Variants in HERPUD2 observed in about 807,000 individuals in gnomAD.
HERPUD2 encodes the protein HERPUD family member 2.
A neutral mutation model predicts 49.9 loss-of-function variants in HERPUD2; 13 were observed. The observed-to-expected ratio is 0.26, with a 90% CI of 0.17 to 0.41. HERPUD2 has a LOEUF of 0.41. HERPUD2 is among the 10% of genes least tolerant of loss of function. The pLI is 1.00. For synonymous variants in HERPUD2, 172 were observed against 171.4 expected, an observed-to-expected ratio of 1.00 and a Z score of -0.03; for missense variants, 449 against 492.2, an observed-to-expected ratio of 0.91 and a Z score of 0.83.
intron 2 of HERPUD2, among the ~76,000 whole-genome samples, chr7:35,691,391 CA>C (rs35835211): frequency 0.39 from 59,920 of 151,902 alleles, 12,243 homozygotes; most frequent in South Asian, 0.56. Flanking sequence ...AGGACAATCT[CA>C]AATTTCCATT....
intron 5 of HERPUD2, among the ~76,000 whole-genome samples, chr7:35,657,092 C>T (rs1271167451): frequency 1.3e-5 from 2 of 151,324 alleles, no homozygotes; most frequent in East Asian, 3.9e-4. Context: ...GGAGAAAATA[C>T]CTGCAAACTA....
At position 35,672,827 on chromosome 7, in the gene HERPUD2, T is replaced by C. The variant is rs1470616045; in HGVS notation, c.225+374A>G. Among the ~76,000 whole-genome samples, 3 of 152,076 alleles carry C rather than the reference T, an allele frequency of 2.0e-5. No individual in the cohort carries two copies. In the East Asian group the frequency reaches 5.8e-4, roughly 29 times the overall value. ...TTAAACTCCCAACTCAAGCAATTTG[T>C]ATAAAAATATCATGCAGCTGGCAAA... is the stretch of plus-strand genomic sequence containing the variant. On this transcript the variant is annotated intron_variant, in intron 3 of 8. Coordinates refer to ENST00000311350, the MANE Select transcript of HERPUD2 (RefSeq NM_022373.5).
intron 2 of HERPUD2, among the ~76,000 whole-genome samples, chr7:35,686,833 G>A (rs1562688747): frequency 1.2e-5 from 1 of 83,750 alleles, no homozygotes; most frequent in Non-Finnish European, 2.4e-5. Context: ...GGGGGGGTGG[G>A]GGGGGGCGCG....
intron 2 of HERPUD2, among the ~76,000 whole-genome samples, chr7:35,677,673 A>C (rs1222797951): frequency 6.6e-6 from 1 of 152,190 alleles, no homozygotes; most frequent in Non-Finnish European, 1.5e-5. Flanking sequence ...GGTTTGTTTT[A>C]TTCTTTTGTG....
chr7:35,671,213 G>C (rs1193132216), intron 3 of HERPUD2, among the ~76,000 whole-genome samples: 1 of 152,102 alleles, frequency 6.6e-6, no homozygotes, highest in Admixed American at 6.6e-5. Context: ...ATCCAAGAAA[G>C]GGTACAACAG....
chr7:35,694,222 G>C lies in HERPUD2; in HGVS notation c.109C>G (p.Leu37Val), dbSNP rs773148835. ...TAAACGTTAGATAGATGCGTTTTTA[G>C]TTTCCCCACGGTCCAGTTCAAGAAG... ...SCFLNWTVGKLKTHLSNVYPS... is the reference protein window; with the variant it reads ...SCFLNWTVGKVKTHLSNVYPS... The change falls in exon 2 of 9, where the codon CTA becomes GTA. Residue 37 changes from leucine (L) to valine (V), a missense_variant. By Grantham distance (32) the Leu-to-Val change is conservative. Transcript: ENST00000311350. 8 of 1,614,118 alleles carry C rather than the reference G, an allele frequency of 5.0e-6. No individual in the cohort carries two copies. The highest frequency in any genetic ancestry group is 5.9e-6 in the Non-Finnish European group (7 of 1,180,024).
intron 5 of HERPUD2, among the ~76,000 whole-genome samples, chr7:35,648,656 T>C (rs796846400): frequency 6.6e-6 from 1 of 152,238 alleles, no homozygotes; most frequent in South Asian, 2.1e-4. Context: ...AGACTTCAAA[T>C]GTGCTCAGTC....
chr7:35,639,541 A>G (rs1472473962), intron 5 of HERPUD2, among the ~76,000 whole-genome samples: 2 of 152,222 alleles, frequency 1.3e-5, no homozygotes, highest in African/African-American at 2.4e-5. Flanking sequence ...AGATTTGTAG[A>G]AAATCACATA....
In HERPUD2 at chr7:35,633,568, G is replaced by GAA; in HGVS notation, c.*120_*121dup. 2 of 681,986 alleles carry GAA rather than the reference G, an allele frequency of 2.9e-6. No individual in the cohort carries two copies. The allele number at this position is 681,986 out of a possible 1,614,324, so 42.2% of individuals were successfully genotyped here. On this transcript the variant is annotated 3_prime_UTR_variant, in exon 9 of 9. Transcript: ENST00000311350. ...TATTCATATGCATGAGAAGCCTAAA[G>GAA]AAAAAAAACACCTCTGTACATGATG...
chr7:35,650,773 T>G (rs1312967987), intron 5 of HERPUD2, among the ~76,000 whole-genome samples: 1 of 152,090 alleles, frequency 6.6e-6, no homozygotes, highest in African/African-American at 2.4e-5. Context: ...CTGTTGTCAT[T>G]GAAAGCAACC....
intron 6 of HERPUD2, among the ~76,000 whole-genome samples, chr7:35,636,495 T>C (rs1784873230): frequency 6.6e-6 from 1 of 152,170 alleles, no homozygotes; most frequent in African/African-American, 2.4e-5. Flanking sequence ...CATAAGAGTA[T>C]ATGATTTAGC....
chr7:35,694,652 A>C, intron 1 of HERPUD2, 25 bp from the exon 2 acceptor site: 1 of 321,062 alleles, frequency 3.1e-6, no homozygotes, highest in Non-Finnish European at 6.0e-6. Flanking sequence ...GGTGGGAGGG[A>C]TGAGGGCACA....
At chr7:35,681,535 T>G (rs972252093) in intron 2 of HERPUD2, among the ~76,000 whole-genome samples, 6 of 152,158 alleles carry the variant, frequency 3.9e-5, no homozygotes, top group Admixed American at 1.3e-4. Flanking sequence ...GTTCATAGCA[T>G]AATTATTCTT....
rs1259970916 is a variant in HERPUD2 at position 35,686,792 on chromosome 7, C to T, written c.147+7392G>A. On this transcript the variant is annotated intron_variant, in intron 2 of 8. Coordinates refer to ENST00000311350, the MANE Select transcript of HERPUD2 (RefSeq NM_022373.5). ...GGGTGGTGGCTCACGCCTGTAATTC[C>T]AGCACTTTGGGAGGCTGGGGGGGGG... Among the ~76,000 whole-genome samples the T allele has an allele frequency of 4.4e-3, 327 of 73,882 alleles. 3 individuals carry two copies. Among genetic ancestry groups the T allele is most frequent in the Middle Eastern group, 0.019 (1 of 52 alleles). The allele number at this position is 73,882 out of a possible 152,430, so 48.5% of individuals were successfully genotyped here.
At chr7:35,694,128 A>G in intron 2 of HERPUD2, 56 bp downstream of exon 2, 1 of 1,593,436 alleles carries the variant, frequency 6.3e-7, no homozygotes, top group South Asian at 1.1e-5. Context: ...AAAGGAGGGT[A>G]CACGGCACGA....
chr7:35,649,889 T>A (rs1488385853), intron 5 of HERPUD2, among the ~76,000 whole-genome samples: 1 of 152,154 alleles, frequency 6.6e-6, no homozygotes, highest in Non-Finnish European at 1.5e-5. Context: ...GAGGGTATAA[T>A]GAGGGATGTC....
chr7:35,644,565 G>A (rs1358580627), intron 5 of HERPUD2, among the ~76,000 whole-genome samples: 1 of 151,974 alleles, frequency 6.6e-6, no homozygotes, highest in Non-Finnish European at 1.5e-5. Flanking sequence ...CTCAGGAGTT[G>A]GAGACCAGCC....
intron 5 of HERPUD2, among the ~76,000 whole-genome samples, chr7:35,640,473 C>T (rs1280572642): frequency 6.6e-6 from 1 of 151,996 alleles, no homozygotes; most frequent in Non-Finnish European, 1.5e-5. Context: ...TGCATGCTGC[C>T]CAAAACATAT....
chr7:35,678,530 G>A (rs1785814104), intron 2 of HERPUD2, among the ~76,000 whole-genome samples: 1 of 151,974 alleles, frequency 6.6e-6, no homozygotes. Flanking sequence ...CAAACTCCTG[G>A]CCTCAAGTGA....
Sources: allele counts gnomAD v4.1 joint callset (sites outside exome capture counted in the v4.1 genomes callset), GRCh38; gene constraint gnomAD v4.1.1; transcripts MANE v1.5; gene names NCBI Gene and HGNC (gene_info 2026-07-23, HGNC 2026-07-21).